DERA: variants seen among roughly 807,000 people sequenced by gnomAD.
DERA encodes the protein 2-deoxy-D-ribose 5-phosphate aldolase.
DERA carries 15 observed loss-of-function variants against 41.1 expected under a neutral mutation model. The observed-to-expected ratio is 0.37, with a 90% confidence interval of 0.24 to 0.56. The LOEUF (loss-of-function observed/expected upper bound fraction) is 0.56, where lower values mean the gene tolerates loss of function less well. Among genes scored for constraint, DERA ranks in the 20% least tolerant of loss-of-function variants. The pLI is 0.81. For missense variants in DERA, 396 were observed against 403.4 expected, an observed-to-expected ratio of 0.98 and a Z score of 0.16; for synonymous variants, 139 against 137.4, an observed-to-expected ratio of 1.01 and a Z score of -0.08.
In DERA at chr12:15,941,732, A is replaced by C. The variant is rs906243025; in HGVS notation, c.32-15204A>C. Among the ~76,000 whole-genome samples the C allele has an allele frequency of 1.3e-5, 2 of 152,204 alleles. No individual in the cohort carries two copies. The highest frequency in any genetic ancestry group is 4.8e-5 in the African/African-American group (2 of 41,446). On this transcript the variant is annotated intron_variant, in intron 1 of 8. Coordinates refer to ENST00000428559, the MANE Select transcript of DERA (RefSeq NM_015954.4). This position sits in a 1 kb window ranked among gnomAD's most constrained non-coding sequence, Gnocchi z 4.5. ...GTTTCCTTTTATGGCTCAGTACTCCATGATGTATATATACCACATTTTCTT... is the reference window on the plus strand; with the variant it reads ...GTTTCCTTTTATGGCTCAGTACTCCCTGATGTATATATACCACATTTTCTT...
At chr12:15,952,138 A>G (rs1433278753) in intron 1 of DERA, among the ~76,000 whole-genome samples, 3 of 152,138 alleles carry the variant, frequency 2.0e-5, no homozygotes, top group Non-Finnish European at 4.4e-5. Context: ...TGACCTCGTG[A>G]TCCGCCTGCC....
chr12:15,987,932 C>G (rs918430820), intron 6 of DERA, among the ~76,000 whole-genome samples: 2 of 152,104 alleles, frequency 1.3e-5, no homozygotes, highest in Admixed American at 6.5e-5. Context: ...CACGCGGGGT[C>G]CAGCCACTGT....
At chr12:15,920,343 G>T (rs972300525) in intron 1 of DERA, among the ~76,000 whole-genome samples, 5 of 152,170 alleles carry the variant, frequency 3.3e-5, no homozygotes, top group African/African-American at 1.2e-4. Flanking sequence ...AGTTAAGCCT[G>T]TAGTCACATG....
chr12:15,940,024 C>G lies in DERA; in HGVS notation c.32-16912C>G, dbSNP rs1235007098. 1.3e-5 allele frequency among the ~76,000 whole-genome samples: 2 copies of G among 152,074 alleles called. No individual in the cohort carries two copies. Among genetic ancestry groups the G allele is most frequent in the Non-Finnish European group, 2.9e-5 (2 of 68,018 alleles). On this transcript the variant is annotated intron_variant, in intron 1 of 8. Transcript: ENST00000428559. The surrounding 1 kb of genome is among the most constrained non-coding windows in gnomAD (Gnocchi z 5.1). ...GGTATATTTCTGTTCCATAGGTTTCCTAATTTAATAAGAACATATTTTTAC... is the reference window on the plus strand; with the variant it reads ...GGTATATTTCTGTTCCATAGGTTTCGTAATTTAATAAGAACATATTTTTAC...
intron 6 of DERA, among the ~76,000 whole-genome samples, chr12:16,024,274 G>C (rs1472761900): frequency 6.6e-6 from 1 of 152,142 alleles, no homozygotes; most frequent in Admixed American, 6.5e-5. Flanking sequence ...ATTGATGTGA[G>C]ACACCAAACC....
chr12:15,923,232 C>T (rs930166152), intron 1 of DERA, among the ~76,000 whole-genome samples: 13 of 151,576 alleles, frequency 8.6e-5, no homozygotes, highest in African/African-American at 2.9e-4. Flanking sequence ...CCGTTTTAGC[C>T]GGGATGGTCT....
chr12:15,923,337 A>C (rs932255019), intron 1 of DERA, among the ~76,000 whole-genome samples: 9 of 152,190 alleles, frequency 5.9e-5, no homozygotes, highest in Non-Finnish European at 4.4e-5. Context: ...TTGCTTTTAA[A>C]AAACAGACAC....
intron 1 of DERA, among the ~76,000 whole-genome samples, chr12:15,942,908 G>A (rs1353417004): frequency 6.6e-6 from 1 of 152,216 alleles, no homozygotes; most frequent in Non-Finnish European, 1.5e-5. Flanking sequence ...GAGGGGACAG[G>A]AGGCATAAAC....
At chr12:15,949,857 C>A (rs1948483922) in intron 1 of DERA, among the ~76,000 whole-genome samples, 1 of 152,172 alleles carries the variant, frequency 6.6e-6, no homozygotes, top group South Asian at 2.1e-4. Flanking sequence ...CCTGTTTCTT[C>A]TTTTTTAAAA....
In DERA at chr12:16,036,343, A is replaced by T. The variant is rs1949128316; in HGVS notation, c.862A>T (p.Ile288Leu). ...GTGGCTGAAGCCAGAACTCTTTCGA[A>T]TAGGTGCCAGTACTCTGCTCTCGGA... is the stretch of plus-strand genomic sequence containing the variant. The part of the protein sequence containing the change: ...DEWLKPELFR[I>L]GASTLLSDIE... The change falls in exon 8 of 9, where the codon ATA becomes TTA. Residue 288 changes from isoleucine (I) to leucine (L), a missense_variant. By Grantham distance (5) the Ile-to-Leu change is conservative. Transcript: ENST00000428559. This position sits in a 1 kb window ranked among gnomAD's most constrained non-coding sequence, Gnocchi z 4.9. 1 of 1,613,476 alleles carries T rather than the reference A, an allele frequency of 6.2e-7. No individual in the cohort carries two copies. Among genetic ancestry groups the T allele is most frequent in the Non-Finnish European group, 8.5e-7 (1 of 1,179,638 alleles).
intron 1 of DERA, among the ~76,000 whole-genome samples, chr12:15,942,186 C>T (rs1361400479): frequency 1.3e-5 from 2 of 152,056 alleles, no homozygotes; most frequent in Non-Finnish European, 2.9e-5. Context: ...CTATTTATGT[C>T]CTTTGCCCAC....
rs1949052693 is a variant in DERA at position 16,026,280 on chromosome 12, T to G, written c.638-6262T>G. ...TTTTTTTCTCCCCCCGTAAGATTGG[T>G]AAACAGCTAGCTAGGCTAATCAAGA... On this transcript the variant is annotated intron_variant, in intron 6 of 8. Transcript: ENST00000428559. This position sits in a 1 kb window ranked among gnomAD's most constrained non-coding sequence, Gnocchi z 4.4. Among the ~76,000 whole-genome samples the G allele has an allele frequency of 6.6e-6, 1 of 151,180 alleles. No homozygotes were observed.
intron 6 of DERA, among the ~76,000 whole-genome samples, chr12:16,025,809 A>C (rs1345055358): frequency 6.6e-6 from 1 of 152,100 alleles, no homozygotes; most frequent in Non-Finnish European, 1.5e-5. Flanking sequence ...TCCATAAAAC[A>C]CACCTTGACA....
In DERA at chr12:16,036,527, C is replaced by T; in HGVS notation, c.900+146C>T. The T allele has an allele frequency of 5.3e-6, 6 of 1,124,238 alleles. No homozygotes were observed. The highest frequency in any genetic ancestry group is 7.5e-6 in the Non-Finnish European group (6 of 799,690). The allele number at this position is 1,124,238 out of a possible 1,614,324, so 69.6% of individuals were successfully genotyped here. Reference sequence around the variant, plus strand: ...TCTACCTTTTCTTCCAAGCAAACCGCCATCAGAAGTGAGTAGGGTGGAGAT... The same window carrying T: ...TCTACCTTTTCTTCCAAGCAAACCGTCATCAGAAGTGAGTAGGGTGGAGAT... On this transcript the variant is annotated intron_variant, in intron 8 of 8. Coordinates refer to ENST00000428559, the MANE Select transcript of DERA (RefSeq NM_015954.4). The surrounding 1 kb of genome is among the most constrained non-coding windows in gnomAD (Gnocchi z 4.9).
chr12:15,990,624 C>T lies in DERA; in HGVS notation c.637+8188C>T, dbSNP rs1436856166. Among the ~76,000 whole-genome samples, 2 of 151,952 alleles carry T rather than the reference C, an allele frequency of 1.3e-5. No individual in the cohort carries two copies. Among genetic ancestry groups the T allele is most frequent in the African/African-American group, 4.8e-5 (2 of 41,352 alleles). On this transcript the variant is annotated intron_variant, in intron 6 of 8. Transcript: ENST00000428559. This position sits in a 1 kb window ranked among gnomAD's most constrained non-coding sequence, Gnocchi z 4.3. ...TTCCACCCTCCAAACTCCAAAAGAC[C>T]CCAGTGTCTGTTATTCTCCTTGATG...
intron 6 of DERA, among the ~76,000 whole-genome samples, chr12:16,031,140 A>C (rs1949089800): frequency 6.6e-6 from 1 of 152,214 alleles, no homozygotes; most frequent in Non-Finnish European, 1.5e-5. Context: ...ATGTAAGGGG[A>C]TGGAATTTCA....
At chr12:15,934,336 C>T (rs1948350307) in intron 1 of DERA, among the ~76,000 whole-genome samples, 1 of 152,102 alleles carries the variant, frequency 6.6e-6, no homozygotes, top group Non-Finnish European at 1.5e-5. Flanking sequence ...CCTGTAATCC[C>T]AGCACTTTGG....
At chr12:16,029,913 C>CTT (rs71438364) in intron 6 of DERA, among the ~76,000 whole-genome samples, 2,545 of 59,630 alleles carry the variant, frequency 0.043, 858 homozygotes, top group East Asian at 0.24. Flanking sequence ...TAGCCTTGGT[C>CTT]TTTTTTTTTT....
At chr12:15,944,335 A>G (rs1252777672) in intron 1 of DERA, among the ~76,000 whole-genome samples, 1 of 152,130 alleles carries the variant, frequency 6.6e-6, no homozygotes, top group Non-Finnish European at 1.5e-5. Flanking sequence ...ACTAGTTTAC[A>G]CTCCCAACAA....
Sources: gnomAD v4.1 joint callset for allele counts (sites outside exome capture counted in the v4.1 genomes callset) on GRCh38, gnomAD v4.1.1 for gene constraint, Gnocchi (gnomAD v3.1) non-coding constraint, MANE v1.5 for transcripts, NCBI Gene and HGNC (gene_info 2026-07-23, HGNC 2026-07-21) for gene names.